Variants in SOX13 observed in about 807,000 individuals in gnomAD.
SOX13 encodes the protein transcription factor SOX-13.
SOX13 carries 28 observed loss-of-function variants against 71.8 expected under a neutral mutation model. That is an observed-to-expected ratio of 0.39 (90% CI 0.29 to 0.53). The LOEUF is 0.53. Among genes scored for constraint, SOX13 ranks in the 20% least tolerant of loss-of-function variants. The pLI is 0.70. For missense variants in SOX13, 627 were observed against 810.3 expected (o/e 0.77, Z 2.75); for synonymous variants, 309 against 317.8 (o/e 0.97, Z 0.29).
intron 1 of SOX13, among the ~76,000 whole-genome samples, chr1:204,087,379 A>G (rs1018172907): frequency 6.6e-6 from 1 of 152,186 alleles, no homozygotes; most frequent in African/African-American, 2.4e-5. Flanking sequence ...TGCTGACTCC[A>G]TGGTGGCTGC....
chr1:204,079,159 G>C (rs1454641969), intron 1 of SOX13, among the ~76,000 whole-genome samples: 1 of 151,962 alleles, frequency 6.6e-6, no homozygotes, highest in Admixed American at 6.5e-5. Flanking sequence ...TTAGCCGGGC[G>C]TGGAGGCGTG....
intron 6 of SOX13, 39 bp from the exon 7 acceptor site, chr1:204,117,554 G>GGGTC: frequency 7.4e-7 from 1 of 1,358,948 alleles, no homozygotes; most frequent in Non-Finnish European, 1.0e-6. Context: ...GTAGCTCTTT[G>GGGTC]GGTCCCTGGG....
intron 1 of SOX13, among the ~76,000 whole-genome samples, chr1:204,093,290 T>G (rs371482577): frequency 1.1e-4 from 17 of 152,030 alleles, no homozygotes; most frequent in Admixed American, 7.2e-4. Context: ...CCACCTTAAC[T>G]GGTTACTAAG....
rs201524589 is a variant in SOX13 at position 204,122,339 on chromosome 1, C to A, written c.964C>A (p.Pro322Thr). 11 of 1,561,550 alleles carry A rather than the reference C, an allele frequency of 7.0e-6. 1 individual carries two copies. In the South Asian group the frequency reaches 1.1e-4, roughly 15 times the overall value. The change falls in exon 9 of 14, where the codon CCC (proline) becomes ACC (threonine). Residue 322 changes from proline to threonine, a missense_variant. By Grantham distance (38) the Pro-to-Thr change is conservative (BLOSUM62 -1). This residue lies in a region of SOX13 where 447 missense variants were observed against 532.2 expected (regional missense o/e 0.84). Transcript: ENST00000367204. ...GAAGATGAGCAGCTGTGTGCCCCGC[C>A]CCCCCAGCCATGGAGGCCCCACGCG... is the stretch of plus-strand genomic sequence containing the variant. ...SLKMSSCVPR[P>T]PSHGGPTRDL...
chr1:204,117,978 G>C, intron 7 of SOX13: 1 of 416,956 alleles, frequency 2.4e-6, no homozygotes, highest in East Asian at 4.0e-5. Context: ...TACATTTACT[G>C]TGTCAGAGTA....
At chr1:204,116,485 G>A in intron 4 of SOX13, 22 bp from the exon 5 acceptor site, 1 of 1,613,188 alleles carries the variant, frequency 6.2e-7, no homozygotes, top group Non-Finnish European at 8.5e-7. Context: ...GTCTCAATGG[G>A]GTCTGTTTCA....
At chr1:204,102,958 G>T (rs1192468286) in intron 1 of SOX13, among the ~76,000 whole-genome samples, 1 of 152,094 alleles carries the variant, frequency 6.6e-6, no homozygotes, top group African/African-American at 2.4e-5. Flanking sequence ...CCACCCACCT[G>T]CCTCCGGAAG....
intron 1 of SOX13, among the ~76,000 whole-genome samples, chr1:204,110,030 C>T (rs1319014911): frequency 6.6e-6 from 1 of 151,738 alleles, no homozygotes; most frequent in Non-Finnish European, 1.5e-5. Flanking sequence ...TGGGGTTTCT[C>T]CATGTTGGTC....
chr1:204,103,564 C>T (rs1656401335), intron 1 of SOX13, among the ~76,000 whole-genome samples: 1 of 152,254 alleles, frequency 6.6e-6, no homozygotes, highest in Non-Finnish European at 1.5e-5. Flanking sequence ...GCATTGCATG[C>T]TTGCTTTTTG....
rs924137799 is a variant in SOX13, at chr1:204,122,070, C to T, written c.861+85C>T. ...GTGTTAGGGAACTGCGGGGTGTGGA[C>T]TGGTGAGCCCTGGCATCCTGTGTTC... On this transcript the variant is annotated intron_variant, in intron 8 of 13. Coordinates refer to ENST00000367204, the MANE Select transcript of SOX13 (RefSeq NM_005686.3). The T allele has an allele frequency of 1.2e-5, 13 of 1,064,118 alleles. No homozygotes were observed. The African/African-American group carries it at 1.9e-4, about 15-fold the overall frequency. The allele number at this position is 1,064,118 out of a possible 1,614,324, so 65.9% of individuals were successfully genotyped here. A position where few individuals can be genotyped will look rare whatever the true frequency, so the allele number is the denominator to read the frequency against.
At chr1:204,117,226 C>T (rs761398433) in intron 6 of SOX13, 36 bp downstream of exon 6, 4 of 1,590,092 alleles carry the variant, frequency 2.5e-6, no homozygotes, top group Non-Finnish European at 3.5e-6. Context: ...GCACAGGAGG[C>T]AGTTGAGGGA....
intron 1 of SOX13, among the ~76,000 whole-genome samples, chr1:204,082,100 G>A (rs3926107): frequency 0.4 from 59,877 of 150,148 alleles, 13,211 homozygotes; most frequent in South Asian, 0.6. Context: ...GAAGCTGAGT[G>A]TGATGTGTGT....
At chr1:204,112,440 C>CAAA (rs5780211) in intron 1 of SOX13, among the ~76,000 whole-genome samples, 1 of 139,744 alleles carries the variant, frequency 7.2e-6, no homozygotes. Context: ...GACTCTGTCT[C>CAAA]AAAAAAAAAA....
rs1299017349 is a variant in SOX13 at position 204,079,342 on chromosome 1, C to CT, written c.-2+5631_-2+5632insT. ...CTGTGGTGTGGTCCACAGCATAGAA[C>CT]ATTTTTTTTTTTTTTTTTTTTGAGA... On this transcript the variant is annotated intron_variant, in intron 1 of 13. Transcript: ENST00000367204. Among the ~76,000 whole-genome samples, 949 of 100,570 alleles carry CT rather than the reference C, an allele frequency of 9.4e-3. 12 individuals are homozygous for CT. The highest frequency in any genetic ancestry group is 0.068 in the Middle Eastern group (9 of 132). The allele number at this position is 100,570 out of a possible 152,430, so 66.0% of individuals were successfully genotyped here. A position where few individuals can be genotyped will look rare whatever the true frequency, so the allele number is the denominator to read the frequency against.
chr1:204,116,335 A>AG (rs1453598834), intron 4 of SOX13, 172 bp from the exon 5 acceptor site: 1 of 1,547,558 alleles, frequency 6.5e-7, no homozygotes, highest in South Asian at 1.2e-5. Context: ...AGCAACATGA[A>AG]GAGCCCCCTT....
intron 1 of SOX13, among the ~76,000 whole-genome samples, chr1:204,100,512 G>A (rs1256656347): frequency 1.3e-5 from 2 of 152,086 alleles, no homozygotes; most frequent in Non-Finnish European, 2.9e-5. Context: ...AGTAGATTAA[G>A]CTGCTTCTCC....
chr1:204,083,208 G>C (rs1418212269), intron 1 of SOX13, among the ~76,000 whole-genome samples: 5 of 152,144 alleles, frequency 3.3e-5, no homozygotes. Context: ...AGTTTAGAGA[G>C]GGTCTGTTGG....
rs1299930268 is a variant in SOX13, at chr1:204,121,909, C to T, written c.785C>T (p.Pro262Leu). 7.4e-6 allele frequency: 12 copies of T among 1,611,094 alleles called. No individual in the cohort carries two copies. The highest frequency in any genetic ancestry group is 5.9e-6 in the Non-Finnish European group (7 of 1,177,540). ...GCTGCCTTTTCCATAGTGGAGTATC[C>T]GCTGCAGCTGCTGCACAGCCCCCCT... ...QPIPCKPVEY[P>L]LQLLHSPPAP... Residue 262 changes from proline (P) to leucine (L), a missense_variant, in exon 8 of 14, where the codon CCG (proline) becomes CTG (leucine). Pro to Leu is a moderately conservative substitution (Grantham distance 98). Around this residue, in one of 3 missense-constraint regions of SOX13, gnomAD observed 447 missense variants for 532.2 expected, o/e 0.84. Transcript: ENST00000367204.
chr1:204,101,358 G>A (rs562661377), intron 1 of SOX13, among the ~76,000 whole-genome samples: 2 of 152,218 alleles, frequency 1.3e-5, no homozygotes, highest in Admixed American at 1.3e-4. Flanking sequence ...GCTGATATTT[G>A]AAATGCATTT....
Sources: allele counts gnomAD v4.1 joint callset (sites outside exome capture counted in the v4.1 genomes callset), GRCh38; gene constraint gnomAD v4.1.1; regional missense constraint gnomAD v4.1.1; transcripts MANE v1.5; gene names NCBI Gene and HGNC (gene_info 2026-07-23, HGNC 2026-07-21).